CNTNAP2: variants seen among roughly 807,000 people sequenced by gnomAD.
The protein encoded by CNTNAP2 is contactin-associated protein-like 2.
CNTNAP2 carries 98 observed loss-of-function variants against 155.2 expected under a neutral mutation model. That is an observed-to-expected ratio of 0.63 (90% CI 0.54 to 0.75). CNTNAP2 has a LOEUF of 0.75. Among genes scored for constraint, CNTNAP2 ranks in the 30% least tolerant of loss-of-function variants. The pLI is 0.00. For synonymous variants in CNTNAP2, 651 were observed against 631.2 expected, an observed-to-expected ratio of 1.03 and a Z score of -0.47; for missense variants, 1,727 against 1,688.1, an observed-to-expected ratio of 1.02 and a Z score of -0.40.
At chr7:146,951,718 C>A (rs191171149) in intron 3 of CNTNAP2, among the ~76,000 whole-genome samples, 114 of 152,208 alleles carry the variant, frequency 7.5e-4, no homozygotes, top group African/African-American at 2.7e-3. Context: ...AATTTGAAGT[C>A]AGGTAGTGTG....
At chr7:147,751,927 G>A (rs774090043) in intron 13 of CNTNAP2, among the ~76,000 whole-genome samples, 1 of 152,106 alleles carries the variant, frequency 6.6e-6, no homozygotes, top group Non-Finnish European at 1.5e-5. Context: ...ATCAAGACCA[G>A]AGAGGTTAAG....
At chr7:147,901,531 C>G (rs956765132) in intron 13 of CNTNAP2, among the ~76,000 whole-genome samples, 1 of 152,224 alleles carries the variant, frequency 6.6e-6, no homozygotes, top group Non-Finnish European at 1.5e-5. Context: ...CCCAATTCTA[C>G]TACATATGAA....
chr7:146,665,940 A>T (rs1800186640), intron 1 of CNTNAP2, among the ~76,000 whole-genome samples: 1 of 151,966 alleles, frequency 6.6e-6, no homozygotes, highest in Admixed American at 6.6e-5. Context: ...TATTAATCAG[A>T]ATGGGATAAT....
At chr7:147,460,433 C>T (rs1181122919) in intron 10 of CNTNAP2, among the ~76,000 whole-genome samples, 3 of 152,162 alleles carry the variant, frequency 2.0e-5, no homozygotes, top group Non-Finnish European at 4.4e-5. Flanking sequence ...CCCATCAAAT[C>T]TGTGGCTGCA....
chr7:146,507,260 A>C (rs1089447), intron 1 of CNTNAP2, among the ~76,000 whole-genome samples: 1 of 151,982 alleles, frequency 6.6e-6, no homozygotes, highest in African/African-American at 2.4e-5. Flanking sequence ...GCTCACCTCC[A>C]TTCCAAAGTT....
intron 8 of CNTNAP2, among the ~76,000 whole-genome samples, chr7:147,220,407 G>A (rs1404712494): frequency 6.6e-6 from 1 of 152,122 alleles, no homozygotes; most frequent in African/African-American, 2.4e-5. Flanking sequence ...ACAGAGTTGA[G>A]TCTTATTTCT....
intron 11 of CNTNAP2, among the ~76,000 whole-genome samples, chr7:147,502,550 T>C (rs1271324996): frequency 6.6e-6 from 1 of 152,138 alleles, no homozygotes; most frequent in Non-Finnish European, 1.5e-5. Context: ...AATTACAAGA[T>C]GAATAAGTTC....
intron 3 of CNTNAP2, among the ~76,000 whole-genome samples, chr7:146,871,396 G>A (rs931858879): frequency 1.3e-5 from 2 of 152,112 alleles, no homozygotes; most frequent in Admixed American, 6.5e-5. Context: ...CGATCCTAAT[G>A]GCAGGTGCCT....
chr7:147,874,177 C>A (rs533401967), intron 13 of CNTNAP2, among the ~76,000 whole-genome samples: 2 of 152,104 alleles, frequency 1.3e-5, no homozygotes, highest in African/African-American at 4.8e-5. Flanking sequence ...GTCTGGAGGA[C>A]GGTGACGCTC....
intron 11 of CNTNAP2, among the ~76,000 whole-genome samples, chr7:147,541,657 G>A (rs527333932): frequency 5.2e-4 from 79 of 152,216 alleles, no homozygotes; most frequent in African/African-American, 1.5e-3. Context: ...AGGTTGAGCA[G>A]GTCATGAATT....
intron 3 of CNTNAP2, among the ~76,000 whole-genome samples, chr7:146,947,628 A>G (rs573633538): frequency 2.5e-4 from 37 of 146,602 alleles, no homozygotes; most frequent in African/African-American, 9.1e-4. Context: ...TTTCAAAGCC[A>G]GGCATGGTAG....
At chr7:146,294,445 A>G (rs1800480777) in intron 1 of CNTNAP2, among the ~76,000 whole-genome samples, 2 of 152,198 alleles carry the variant, frequency 1.3e-5, no homozygotes, top group Admixed American at 6.5e-5. Context: ...TAATCAGCCA[A>G]TGTCAGCTGG....
intron 22 of CNTNAP2, among the ~76,000 whole-genome samples, chr7:148,405,450 A>G (rs1407918299): frequency 1.6e-5 from 1 of 63,114 alleles, no homozygotes; most frequent in African/African-American, 1.9e-4. Flanking sequence ...TTTTTTTGAG[A>G]CGGAGTCTCG....
chr7:148,235,335 G>A (rs527605878), intron 20 of CNTNAP2, among the ~76,000 whole-genome samples: 1 of 152,300 alleles, frequency 6.6e-6, no homozygotes, highest in Admixed American at 6.5e-5. Flanking sequence ...GCTAGAAGTA[G>A]AAGAAAGGAT....
chr7:147,850,297 C>T (rs1798908679), intron 13 of CNTNAP2, among the ~76,000 whole-genome samples: 1 of 152,192 alleles, frequency 6.6e-6, no homozygotes, highest in Non-Finnish European at 1.5e-5. Context: ...ACATTCCATG[C>T]TCATGGATAG....
rs538300270 is a variant in CNTNAP2 at position 148,012,697 on chromosome 7, C to A, written c.2383+34708C>A. On this transcript the variant is annotated intron_variant, in intron 15 of 23. Transcript: ENST00000361727. ...ACGCATAATAAAAGTGTAAAACATT[C>A]ACACTCCTCACTCTCATTTAATTAT... is the stretch of plus-strand genomic sequence containing the variant. Among the ~76,000 whole-genome samples, 3 of 152,318 alleles carry A rather than the reference C, an allele frequency of 2.0e-5. No individual in the cohort carries two copies. In the South Asian group the frequency reaches 6.2e-4, roughly 32 times the overall value.
intron 1 of CNTNAP2, among the ~76,000 whole-genome samples, chr7:146,241,292 G>A (rs1429975283): frequency 6.6e-6 from 1 of 152,116 alleles, no homozygotes; most frequent in African/African-American, 2.4e-5. Flanking sequence ...CTAAAATGAG[G>A]TGTGTCTAAA....
intron 1 of CNTNAP2, among the ~76,000 whole-genome samples, chr7:146,550,761 T>C (rs185488354): frequency 9.1e-4 from 138 of 152,158 alleles, no homozygotes; most frequent in South Asian, 2.9e-3. Context: ...ATAGAGCCTG[T>C]ATATAGAAGG....
rs201829273 is a variant in CNTNAP2 at position 146,834,626 on chromosome 7, C to T, written c.209-5085C>T. 1.5e-3 allele frequency among the ~76,000 whole-genome samples: 230 copies of T among 152,302 alleles called. 1 individual carries two copies. The highest frequency in any genetic ancestry group is 1.7e-3 in the Admixed American group (26 of 15,302). On this transcript the variant is annotated intron_variant, in intron 2 of 23. Transcript: ENST00000361727. ...AGTTCCATAACAAGTATACATCTTT[C>T]AAGTTACTTCAACAATACACTAGTT...
Sources: allele counts gnomAD v4.1 joint callset (sites outside exome capture counted in the v4.1 genomes callset), GRCh38; gene constraint gnomAD v4.1.1; transcripts MANE v1.5; gene names NCBI Gene and HGNC (gene_info 2026-07-23, HGNC 2026-07-21).